The following A2ML1 variants were observed in gnomAD, a reference collection of about 807,000 sequenced individuals.
A2ML1 encodes the protein alpha-2-macroglobulin-like protein 1.
A2ML1 carries 161 observed loss-of-function variants against 181.9 expected under a neutral mutation model. The ratio of observed to expected loss-of-function variants is 0.89; its 90% CI spans 0.78 to 1.01. The LOEUF (loss-of-function observed/expected upper bound fraction) is 1.01. Ranked by LOEUF, A2ML1 falls within the 50% of genes least tolerant of loss-of-function variation. The pLI is 0.00. For missense variants in A2ML1, 1,670 were observed against 1,768.1 expected (o/e 0.94, Z 1.00); for synonymous variants, 663 against 666.8 (o/e 0.99, Z 0.09).
At chr12:8,867,770 G>A (rs1944468710) in intron 29 of A2ML1, 72 bp from the exon 30 acceptor site, 3 of 1,348,726 alleles carry the variant, frequency 2.2e-6, no homozygotes, top group Non-Finnish European at 2.1e-6. Context: ...AGATGTGTGG[G>A]TTATAGAGTT....
intron 2 of A2ML1, 151 bp from the exon 3 acceptor site, chr12:8,823,569 A>G (rs1942819167): frequency 1.8e-6 from 2 of 1,089,870 alleles, no homozygotes; most frequent in Admixed American, 4.6e-5. Flanking sequence ...TCCTGACCTT[A>G]ATTCTTCCTC....
rs1943927223 is a variant in A2ML1, at chr12:8,852,481, C to T, written c.2590+145C>T. 8.2e-6 allele frequency: 10 copies of T among 1,225,246 alleles called. No individual in the cohort carries two copies. Among genetic ancestry groups the T allele is most frequent in the Middle Eastern group, 2.9e-4 (1 of 3,446 alleles). The allele number at this position is 1,225,246 out of a possible 1,614,324, so 75.9% of individuals were successfully genotyped here. A position where few individuals can be genotyped will look rare whatever the true frequency, so the allele number is the denominator to read the frequency against. Reference sequence around the variant, plus strand: ...TCTCCCTCCTAAGGCTGTTATAAGTCAATACACAAACACTCTTTGATAGGT... The same window carrying T: ...TCTCCCTCCTAAGGCTGTTATAAGTTAATACACAAACACTCTTTGATAGGT... On this transcript the variant is annotated intron_variant, in intron 20 of 35. Transcript: ENST00000299698. This position sits in a 1 kb window ranked among gnomAD's most constrained non-coding sequence, Gnocchi z 4.2.
chr12:8,872,653 G>A (rs1371253303), intron 33 of A2ML1, among the ~76,000 whole-genome samples: 1 of 151,608 alleles, frequency 6.6e-6, no homozygotes, highest in African/African-American at 2.4e-5. Flanking sequence ...GCATGGTTGT[G>A]CGTGCCGGTA....
At chr12:8,838,800 G>C (rs1943371816) in intron 9 of A2ML1, among the ~76,000 whole-genome samples, 2 of 151,664 alleles carry the variant, frequency 1.3e-5, no homozygotes, top group Non-Finnish European at 1.5e-5. Context: ...TGTAGTCCCA[G>C]CTACTCGGGG....
intron 4 of A2ML1, among the ~76,000 whole-genome samples, chr12:8,831,981 C>T (rs921301295): frequency 3.9e-5 from 6 of 152,112 alleles, no homozygotes; most frequent in Admixed American, 3.3e-4. Context: ...AACTCCCGAC[C>T]TCAAGTGATC....
At position 8,851,846 on chromosome 12, in the gene A2ML1, T is replaced by C. The variant is rs773830501; in HGVS notation, c.2297T>C (p.Met766Thr). The part of the protein sequence containing the change: ...VPDAITEWKA[M>T]SFCTSQSRGF... ...GACGCCATCACCGAGTGGAAGGCGA[T>C]GAGTTTCTGCACTTCCCAGTCAAGA... The change falls in exon 19 of 36, where the codon ATG becomes ACG. Residue 766 changes from methionine to threonine, a missense_variant. Coordinates refer to ENST00000299698, the MANE Select transcript of A2ML1 (RefSeq NM_144670.6). The C allele has an allele frequency of 3.7e-6, 6 of 1,614,202 alleles. No individual in the cohort carries two copies. The highest frequency in any genetic ancestry group is 4.2e-6 in the Non-Finnish European group (5 of 1,180,028).
chr12:8,855,380 T>C (rs1331099860), intron 22 of A2ML1, 129 bp from the exon 23 acceptor site: 1 of 771,960 alleles, frequency 1.3e-6, no homozygotes, highest in South Asian at 1.7e-5. Flanking sequence ...CCCAGTGCTT[T>C]CTGCATCCCA....
rs944496151 is a variant in A2ML1 at position 8,852,540 on chromosome 12, G to A, written c.2590+204G>A. Among the ~76,000 whole-genome samples, 1 of 152,162 alleles carries A rather than the reference G, an allele frequency of 6.6e-6. No individual in the cohort carries two copies. The highest frequency in any genetic ancestry group is 2.4e-5 in the African/African-American group (1 of 41,438). On this transcript the variant is annotated intron_variant, in intron 20 of 35. Transcript: ENST00000299698. The surrounding 1 kb of genome is among the most constrained non-coding windows in gnomAD (Gnocchi z 4.2). Reference sequence around the variant, plus strand: ...AAATTTGTTCAAACCGGAATATTTTGAGTGTGAAAGGGAGAGCTTTTAATA... The same window carrying A: ...AAATTTGTTCAAACCGGAATATTTTAAGTGTGAAAGGGAGAGCTTTTAATA...
rs889851578 is a variant in A2ML1, at chr12:8,837,636, C to T, written c.855+70C>T. The T allele has an allele frequency of 6.7e-6, 10 of 1,483,120 alleles. No homozygotes were observed. In the African/African-American group the frequency reaches 8.5e-5, roughly 13 times the overall value. 91.9% of individuals were successfully genotyped at this position (1,483,120 alleles called of 1,614,324 possible). A position where few individuals can be genotyped will look rare whatever the true frequency, so the allele number is the denominator to read the frequency against. On this transcript the variant is annotated intron_variant, in intron 8 of 35. Coordinates refer to ENST00000299698, the MANE Select transcript of A2ML1 (RefSeq NM_144670.6). The stretch of plus-strand genomic sequence containing the variant: ...GTGGCTCACGCCTGTCATCCCAGCA[C>T]TTTGGGAGGCCGAGATGGGCGGATC...
chr12:8,839,360 A>C (rs1943391767), intron 10 of A2ML1, 138 bp downstream of exon 10: 2 of 561,780 alleles, frequency 3.6e-6, no homozygotes, highest in Non-Finnish European at 6.3e-6. Flanking sequence ...CTTTAGAATA[A>C]TGCAATGAGG....
Position 8,857,976 on chromosome 12 carries a change from C to T in A2ML1, c.3138C>T (p.Gly1046=). 1 of 1,614,148 alleles carries T rather than the reference C, an allele frequency of 6.2e-7. No individual in the cohort carries two copies. The highest frequency in any genetic ancestry group is 8.5e-7 in the Non-Finnish European group (1 of 1,180,012). ...CAGCGTTTGTCACAAAATGCTTTGG[C>T]CAAGCTCAGAAATTCATCTTCATTG... ...WLTAFVTKCF[G]QAQKFIFIDP... is the part of the protein sequence containing the mutation. Residue 1046 remains glycine, a synonymous_variant, in exon 26 of 36, where the codon GGC becomes GGT. Transcript: ENST00000299698.
chr12:8,845,801 G>C (rs971612019), intron 13 of A2ML1, among the ~76,000 whole-genome samples: 9 of 149,476 alleles, frequency 6.0e-5, no homozygotes, highest in African/African-American at 2.2e-4. Flanking sequence ...AGTGAGCCGA[G>C]ATCATGCCAC....
chr12:8,847,424 G>A (rs1943729961), intron 14 of A2ML1, 125 bp from the exon 15 acceptor site: 2 of 1,196,020 alleles, frequency 1.7e-6, no homozygotes, highest in African/African-American at 3.1e-5. Flanking sequence ...AGAAAGATAA[G>A]TACAAAAGTG....
chr12:8,886,300 ATCC>A (rs755093609), intron 7 of A2ML1, among the ~76,000 whole-genome samples: 297 of 152,264 alleles, frequency 2.0e-3, no homozygotes, highest in Non-Finnish European at 1.9e-3. Flanking sequence ...TATTAAGTCC[ATCC>A]TCAATTTCTC....
At position 8,852,856 on chromosome 12, in the gene A2ML1, C is replaced by T. The variant is rs1280201958; in HGVS notation, c.2590+520C>T. Among the ~76,000 whole-genome samples the T allele has an allele frequency of 6.6e-6, 1 of 152,098 alleles. No individual in the cohort carries two copies. Among genetic ancestry groups the T allele is most frequent in the African/African-American group, 2.4e-5 (1 of 41,422 alleles). On this transcript the variant is annotated intron_variant, in intron 20 of 35. Transcript: ENST00000299698. This position sits in a 1 kb window ranked among gnomAD's most constrained non-coding sequence, Gnocchi z 4.2. ...GATTACAGTCGCGTGCCACCCTACC[C>T]GGCTAATTTTTGTACTTTTAGTAGA...
chr12:8,830,214 G>A (rs915554141), intron 4 of A2ML1, among the ~76,000 whole-genome samples: 1 of 151,972 alleles, frequency 6.6e-6, no homozygotes, highest in African/African-American at 2.4e-5. Context: ...ATCACGCCTG[G>A]CTAATTTTTG....
chr12:8,829,895 G>C, intron 4 of A2ML1, 116 bp downstream of exon 4: 2 of 1,274,754 alleles, frequency 1.6e-6, no homozygotes, highest in South Asian at 2.5e-5. Flanking sequence ...CTCTGGGTTG[G>C]AGACTGCTGT....
At position 8,852,058 on chromosome 12, in the gene A2ML1, A is replaced by G; in HGVS notation, c.2463+46A>G. On this transcript the variant is annotated intron_variant, in intron 19 of 35. Transcript: ENST00000299698. This position sits in a 1 kb window ranked among gnomAD's most constrained non-coding sequence, Gnocchi z 4.2. ...AATCAGGTGTCAGCCCTGGAATCAC[A>G]CCTCCCCCATAAGTTTGTCTCTAAA... 1 of 1,597,954 alleles carries G rather than the reference A, an allele frequency of 6.3e-7. No individual in the cohort carries two copies. The highest frequency in any genetic ancestry group is 2.2e-5 in the East Asian group (1 of 44,722).
At chr12:8,873,190 G>T (rs1944687227) in intron 33 of A2ML1, among the ~76,000 whole-genome samples, 1 of 151,738 alleles carries the variant, frequency 6.6e-6, no homozygotes, top group South Asian at 2.1e-4. Flanking sequence ...AAGAACTTTG[G>T]AAATCCCTTC....
Sources: gnomAD v4.1 joint callset for allele counts (sites outside exome capture counted in the v4.1 genomes callset) on GRCh38, gnomAD v4.1.1 for gene constraint, Gnocchi (gnomAD v3.1) non-coding constraint, MANE v1.5 for transcripts, NCBI Gene and HGNC (gene_info 2026-07-23, HGNC 2026-07-21) for gene names.